FGGY: variants seen among roughly 807,000 people sequenced by gnomAD.
FGGY encodes the protein FGGY carbohydrate kinase domain-containing protein.
A neutral mutation model predicts 71.3 loss-of-function variants in FGGY; 72 were observed. The ratio of observed to expected loss-of-function variants is 1.01; its 90% CI spans 0.84 to 1.23. The LOEUF (loss-of-function observed/expected upper bound fraction) is 1.23. FGGY is among the 50% of genes most tolerant of loss of function. FGGY has a pLI of 0.00. For synonymous variants in FGGY, 251 were observed against 250.3 expected (o/e 1.00, Z -0.02); for missense variants, 668 against 682.3 (o/e 0.98, Z 0.23).
intron 2 of FGGY, among the ~76,000 whole-genome samples, chr1:59,338,177 G>A (rs2049980625): frequency 6.6e-6 from 1 of 152,110 alleles, no homozygotes; most frequent in African/African-American, 2.4e-5. Flanking sequence ...TTGCATTCCT[G>A]GGATGACTCC....
intron 6 of FGGY, among the ~76,000 whole-genome samples, chr1:59,487,370 A>C (rs560040803): frequency 6.4e-4 from 98 of 152,262 alleles, no homozygotes; most frequent in Non-Finnish European, 2.6e-4. Flanking sequence ...ATCACATTTG[A>C]ATTTTTCATG....
At chr1:59,671,752 G>A (rs781022511) in intron 13 of FGGY, among the ~76,000 whole-genome samples, 6 of 152,134 alleles carry the variant, frequency 3.9e-5, no homozygotes, top group Non-Finnish European at 7.4e-5. Flanking sequence ...TGAGATAGGC[G>A]GAATTTTAAC....
At chr1:59,647,080 G>C (rs191863481) in intron 11 of FGGY, among the ~76,000 whole-genome samples, 151 of 152,294 alleles carry the variant, frequency 9.9e-4, no homozygotes, top group African/African-American at 3.5e-3. Context: ...CATGTGGCAT[G>C]ATAAAAGACT....
At chr1:59,512,943 AC>A (rs1315678831) in intron 7 of FGGY, among the ~76,000 whole-genome samples, 1 of 152,228 alleles carries the variant, frequency 6.6e-6, no homozygotes, top group African/African-American at 2.4e-5. Context: ...TTGAACACTT[AC>A]CATGTCCAGG....
intron 8 of FGGY, among the ~76,000 whole-genome samples, chr1:59,595,612 C>T (rs1397593633): frequency 6.6e-6 from 1 of 152,102 alleles, no homozygotes; most frequent in African/African-American, 2.4e-5. Flanking sequence ...ATCCTTTGAA[C>T]CCAGGAGGCA....
intron 7 of FGGY, among the ~76,000 whole-genome samples, chr1:59,518,952 A>G (rs930964998): frequency 2.0e-5 from 3 of 152,246 alleles, no homozygotes; most frequent in African/African-American, 4.8e-5. Flanking sequence ...TGAAGTTAGG[A>G]CAGGTATGTG....
At chr1:59,336,840 G>A (rs1488343871) in intron 2 of FGGY, among the ~76,000 whole-genome samples, 3 of 152,054 alleles carry the variant, frequency 2.0e-5, no homozygotes, top group South Asian at 4.2e-4. Context: ...TCCATTTTAC[G>A]AGTGTGACAT....
intron 11 of FGGY, among the ~76,000 whole-genome samples, chr1:59,652,045 GA>G (rs2097167921): frequency 6.6e-6 from 1 of 150,738 alleles, no homozygotes; most frequent in African/African-American, 2.4e-5. Context: ...ATTCTGGGTT[GA>G]AAATTCTTTT....
chr1:59,638,281 C>T lies in FGGY; in HGVS notation c.1127C>T (p.Ala376Val). 1 of 1,614,162 alleles carries T rather than the reference C, an allele frequency of 6.2e-7. No homozygotes were observed. Among genetic ancestry groups the T allele is most frequent in the East Asian group, 2.2e-5 (1 of 44,886 alleles). Residue 376 changes from alanine to valine, a missense_variant, in exon 11 of 16, where the codon GCT becomes GTT. Around this residue, in one of 2 missense-constraint regions of FGGY, gnomAD observed 661 missense variants for 661.6 expected, o/e 1.00. Coordinates refer to ENST00000303721, the MANE Select transcript of FGGY (RefSeq NM_018291.5). ...AGTCACCTGGATCTGATTAAGAAGGCTCAGCCTGTGGGTTTCCTTACTGTT... is the reference window on the plus strand; with the variant it reads ...AGTCACCTGGATCTGATTAAGAAGGTTCAGCCTGTGGGTTTCCTTACTGTT... Reference protein sequence around the residue: ...LNSHLDLIKKAQPVGFLTVDL... With the variant: ...LNSHLDLIKKVQPVGFLTVDL...
At chr1:59,605,439 G>C (rs907401137) in intron 8 of FGGY, among the ~76,000 whole-genome samples, 3 of 152,080 alleles carry the variant, frequency 2.0e-5, no homozygotes, top group Non-Finnish European at 4.4e-5. Flanking sequence ...CTATGCTCTT[G>C]TTCACCATTT....
intron 5 of FGGY, among the ~76,000 whole-genome samples, chr1:59,448,450 T>C (rs931754273): frequency 2.6e-5 from 4 of 152,122 alleles, no homozygotes; most frequent in East Asian, 1.9e-4. Flanking sequence ...CCTGGTTCCA[T>C]TGAGGTTAAT....
Position 59,321,714 on chromosome 1 carries a change from C to A in FGGY, c.165C>A (p.Ser55=). The part of the protein sequence containing the change: ...EPQFNHHEQS[S]EDIWAACCVV... ...AGTTCAACCACCATGAGCAGTCCTC[C>A]GAGGACATCTGGGCTGCGTGCTGTG... Residue 55 remains serine, a synonymous_variant, in exon 2 of 16, where the codon TCC becomes TCA. Coordinates refer to ENST00000303721, the MANE Select transcript of FGGY (RefSeq NM_018291.5). The A allele has an allele frequency of 6.2e-7, 1 of 1,612,526 alleles. No homozygotes were observed. The highest frequency in any genetic ancestry group is 8.5e-7 in the Non-Finnish European group (1 of 1,179,336).
intron 5 of FGGY, among the ~76,000 whole-genome samples, chr1:59,417,205 C>T (rs2064619609): frequency 6.6e-6 from 1 of 152,146 alleles, no homozygotes. Context: ...TGGCTTCTTT[C>T]ACTTGGCATA....
At chr1:59,746,505 T>C (rs1363133501) in intron 14 of FGGY, among the ~76,000 whole-genome samples, 2 of 152,156 alleles carry the variant, frequency 1.3e-5, no homozygotes, top group Non-Finnish European at 2.9e-5. Context: ...TCCCTTTTTT[T>C]GAGACAGCAT....
In FGGY at chr1:59,583,962, C is replaced by A. The variant is rs1266515262; in HGVS notation, c.904-23841C>A. ...CGACGGCTCACCACTTATGTGTTGG[C>A]TTTTGTTCCTGGACTACTCAGGTGG... On this transcript the variant is annotated intron_variant, in intron 8 of 15. Transcript: ENST00000303721. Among the ~76,000 whole-genome samples, 5 of 115,554 alleles carry A rather than the reference C, an allele frequency of 4.3e-5. 2 individuals carry two copies. The East Asian group carries it at 1.4e-3, about 31-fold the overall frequency. The allele number at this position is 115,554 out of a possible 152,430, so 75.8% of individuals were successfully genotyped here. A position where few individuals can be genotyped will look rare whatever the true frequency, so the allele number is the denominator to read the frequency against.
chr1:59,740,803 C>G (rs2098140942), intron 14 of FGGY, among the ~76,000 whole-genome samples: 1 of 152,196 alleles, frequency 6.6e-6, no homozygotes, highest in Non-Finnish European at 1.5e-5. Context: ...AACATTTAAA[C>G]ATGCTCTAGA....
At chr1:59,753,035 G>A (rs915132269) in intron 14 of FGGY, among the ~76,000 whole-genome samples, 2 of 152,102 alleles carry the variant, frequency 1.3e-5, no homozygotes, top group Non-Finnish European at 2.9e-5. Context: ...AAAGGAAAAA[G>A]AAAAGTCACT....
chr1:59,409,186 G>A (rs2063213318), intron 5 of FGGY, among the ~76,000 whole-genome samples: 1 of 152,132 alleles, frequency 6.6e-6, no homozygotes, highest in Admixed American at 6.5e-5. Flanking sequence ...GGGTTGCTTA[G>A]GAGGATTAAA....
chr1:59,708,954 G>T (rs1326659339), intron 14 of FGGY, among the ~76,000 whole-genome samples: 1 of 152,162 alleles, frequency 6.6e-6, no homozygotes, highest in Non-Finnish European at 1.5e-5. Flanking sequence ...AAATACTTCT[G>T]ATTCCTAGAA....
Sources: allele counts gnomAD v4.1 joint callset (sites outside exome capture counted in the v4.1 genomes callset), GRCh38; gene constraint gnomAD v4.1.1; regional missense constraint gnomAD v4.1.1; transcripts MANE v1.5; gene names NCBI Gene and HGNC (gene_info 2026-07-23, HGNC 2026-07-21).